Variants in SLC6A18 observed in about 807,000 individuals in gnomAD.
SLC6A18 encodes the protein inactive sodium-dependent neutral amino acid transporter B(0)AT3.
SLC6A18 carries 58 observed loss-of-function variants against 62.9 expected under a neutral mutation model. The observed-to-expected ratio is 0.92, with a 90% CI of 0.75 to 1.15. The LOEUF is 1.15. Ranked by LOEUF, SLC6A18 falls within the 50% of genes most tolerant of loss-of-function variation. The probability of loss-of-function intolerance (pLI) is 0.00; values close to 1 mark genes in which losing one functional copy is unlikely to be tolerated. For missense variants in SLC6A18, 793 were observed against 836.6 expected (o/e 0.95, Z 0.64); for synonymous variants, 382 against 365.8 (o/e 1.04, Z -0.51).
chr5:1,234,881 C>G (rs1220640244), intron 3 of SLC6A18, among the ~76,000 whole-genome samples: 1 of 152,240 alleles, frequency 6.6e-6, no homozygotes, highest in Non-Finnish European at 1.5e-5. Flanking sequence ...ACCGGTAATC[C>G]TCAGACTTTT....
intron 2 of SLC6A18, 112 bp downstream of exon 2, chr5:1,232,471 A>G: frequency 7.1e-7 from 1 of 1,411,654 alleles, no homozygotes; most frequent in Non-Finnish European, 9.5e-7. Context: ...CGGCCAGGCC[A>G]GGCCGGCGGG....
rs73034557 is a variant in SLC6A18 at position 1,244,839 on chromosome 5, C to T, written c.1656+72C>T. 5.4e-6 allele frequency: 8 copies of T among 1,493,536 alleles called. No individual in the cohort carries two copies. The South Asian group carries it at 9.2e-5, about 17-fold the overall frequency. The allele number at this position is 1,493,536 out of a possible 1,614,324, so 92.5% of individuals were successfully genotyped here. On this transcript the variant is annotated intron_variant, in intron 11 of 11. Transcript: ENST00000324642. ...CTTGGTCTGGCCCCTACGGTGCCAT[C>T]CGGTGCCCGACGACCCATGCGGTGC... is the stretch of plus-strand genomic sequence containing the variant.
chr5:1,225,804 C>T (rs1746543777), intron 1 of SLC6A18, among the ~76,000 whole-genome samples, 167 bp downstream of exon 1: 1 of 152,200 alleles, frequency 6.6e-6, no homozygotes, highest in Non-Finnish European at 1.5e-5. Flanking sequence ...TCAGGGCCCA[C>T]CTGCAGTCTT....
intron 8 of SLC6A18, 90 bp downstream of exon 8, chr5:1,242,953 A>G (rs925574917): frequency 4.9e-6 from 7 of 1,424,362 alleles, no homozygotes; most frequent in Non-Finnish European, 6.6e-6. Context: ...AAAGGCTGCA[A>G]ACAATTCCCA....
chr5:1,232,096 T>G, intron 1 of SLC6A18, 123 bp from the exon 2 acceptor site: 1 of 838,486 alleles, frequency 1.2e-6, no homozygotes, highest in Non-Finnish European at 1.9e-6. Context: ...ACCACCCAAG[T>G]GGTGCCCCCA....
At chr5:1,244,163 A>G in intron 9 of SLC6A18, 51 bp from the exon 10 acceptor site, 2 of 958,984 alleles carry the variant, frequency 2.1e-6, no homozygotes, top group South Asian at 1.5e-5. Context: ...CCCTCCCCAC[A>G]CCTCCACTCC....
intron 4 of SLC6A18, among the ~76,000 whole-genome samples, chr5:1,236,043 G>T (rs1210568948): frequency 6.6e-6 from 1 of 152,114 alleles, no homozygotes; most frequent in African/African-American, 2.4e-5. Flanking sequence ...CCTTTTATTT[G>T]GGGTGTTTAG....
At chr5:1,227,012 CGCCG>C (rs1746595140) in intron 1 of SLC6A18, among the ~76,000 whole-genome samples, 6 of 150,396 alleles carry the variant, frequency 4.0e-5, no homozygotes, top group African/African-American at 4.9e-5. Context: ...ATGCCTTGCC[CGCCG>C]ACGCGCCCAA....
intron 3 of SLC6A18, among the ~76,000 whole-genome samples, chr5:1,234,002 A>C (rs1242147537): frequency 1.3e-5 from 2 of 152,028 alleles, no homozygotes; most frequent in Admixed American, 1.3e-4. Flanking sequence ...CGGCCTCCCA[A>C]AGTGCTGGGA....
chr5:1,241,438 G>C lies in SLC6A18; in HGVS notation c.974+779G>C, dbSNP rs1303395137. On this transcript the variant is annotated intron_variant, in intron 7 of 11. Coordinates refer to ENST00000324642, the MANE Select transcript of SLC6A18 (RefSeq NM_182632.3). This position sits in a 1 kb window ranked among gnomAD's most constrained non-coding sequence, Gnocchi z 7.8. Reference sequence around the variant, plus strand: ...AGTGGGTGGAGGCCGAGGATACCTCGCAGCACCCTACAGTGTCCAGGACGG... The same window carrying C: ...AGTGGGTGGAGGCCGAGGATACCTCCCAGCACCCTACAGTGTCCAGGACGG... Among the ~76,000 whole-genome samples the C allele has an allele frequency of 6.6e-6, 1 of 152,168 alleles. No homozygotes were observed. The highest frequency in any genetic ancestry group is 1.9e-4 in the East Asian group (1 of 5,196).
At chr5:1,245,724 C>G in intron 11 of SLC6A18, 124 bp from the exon 12 acceptor site, 5 of 1,068,112 alleles carry the variant, frequency 4.7e-6, no homozygotes, top group Non-Finnish European at 6.6e-6. Flanking sequence ...TCTGGCCGTG[C>G]CTTTTCCATT....
Position 1,232,798 on chromosome 5 carries a change from A to G in SLC6A18, c.349A>G (p.Thr117Ala), listed in dbSNP as rs1746767254. Residue 117 changes from threonine (T) to alanine (A), a missense_variant, in exon 3 of 12, where the codon ACC becomes GCC. Coordinates refer to ENST00000324642, the MANE Select transcript of SLC6A18 (RefSeq NM_182632.3). ...CTTCCTGATCAGCCTGTACTACAAC[A>G]CCATCGTGGCGTGGGTGCTGTGGTA... ...LSFLISLYYN[T>A]IVAWVLWYLL... is the part of the protein sequence containing the mutation. 1.9e-6 allele frequency: 3 copies of G among 1,613,448 alleles called. No individual in the cohort carries two copies.
At chr5:1,232,988 C>G in intron 3 of SLC6A18, 100 bp downstream of exon 3, 1 of 1,492,518 alleles carries the variant, frequency 6.7e-7, no homozygotes, top group Non-Finnish European at 9.0e-7. Context: ...GGCGGATGCT[C>G]ACCGCGGGGG....
intron 3 of SLC6A18, among the ~76,000 whole-genome samples, chr5:1,233,187 A>G (rs1397867154): frequency 3.3e-5 from 5 of 152,168 alleles, no homozygotes; most frequent in African/African-American, 2.4e-5. Flanking sequence ...TGTTAGATTT[A>G]AGACGTTAGG....
intron 3 of SLC6A18, 84 bp downstream of exon 3, chr5:1,232,972 G>A (rs1746773646): frequency 5.9e-6 from 9 of 1,520,078 alleles, no homozygotes; most frequent in Middle Eastern, 2.2e-4. Context: ...CAGAGCAGCT[G>A]CGGGTGGCGG....
intron 1 of SLC6A18, 60 bp from the exon 2 acceptor site, chr5:1,232,159 A>C: frequency 2.0e-6 from 3 of 1,512,710 alleles, no homozygotes; most frequent in East Asian, 2.4e-5. Flanking sequence ...CCCCTGGCCC[A>C]CGCCACAGTC....
chr5:1,232,137 C>T, intron 1 of SLC6A18, 82 bp from the exon 2 acceptor site: 14 of 1,315,670 alleles, frequency 1.1e-5, no homozygotes, highest in African/African-American at 1.4e-5. Context: ...CCTTGAAGAC[C>T]ACAGGTGGCT....
chr5:1,232,642 C>T (rs2126529902), intron 2 of SLC6A18, 109 bp from the exon 3 acceptor site: 2 of 1,472,988 alleles, frequency 1.4e-6, no homozygotes, highest in Non-Finnish European at 1.8e-6. Context: ...CAGCTGCGCC[C>T]TTCAGCATGT....
Position 1,242,708 on chromosome 5 carries a change from A to G in SLC6A18, c.976A>G (p.Asn326Asp). 1 of 1,602,694 alleles carries G rather than the reference A, an allele frequency of 6.2e-7. No individual in the cohort carries two copies. The highest frequency in any genetic ancestry group is 1.1e-5 in the South Asian group (1 of 90,226). The change falls in exon 8 of 12, where the codon AAC (asparagine) becomes GAC (aspartate). Residue 326 changes from asparagine to aspartate, a missense_variant and splice_region_variant. Coordinates refer to ENST00000324642, the MANE Select transcript of SLC6A18 (RefSeq NM_182632.3). ...CCACAGTCCTCTCTGTCCCCGCAGA[A>G]ACATCCTCAGCCTCATCAACGACTT... ...TNDYEHCLDR[N>D]ILSLINDFDF...
Sources: allele counts gnomAD v4.1 joint callset (sites outside exome capture counted in the v4.1 genomes callset), GRCh38; gene constraint gnomAD v4.1.1; non-coding constraint Gnocchi (gnomAD v3.1); transcripts MANE v1.5; gene names NCBI Gene and HGNC (gene_info 2026-07-23, HGNC 2026-07-21).